The following IL13RA1 variants were observed in gnomAD, a reference collection of about 807,000 sequenced individuals.
IL13RA1 encodes the protein interleukin 13 receptor subunit alpha 1.
In IL13RA1, 14 loss-of-function variants were observed where a neutral mutation model predicts 33.8. The observed-to-expected ratio is 0.41, with a 90% CI of 0.27 to 0.65. The LOEUF is 0.65. Ranked by LOEUF, IL13RA1 falls within the 30% of genes least tolerant of loss-of-function variation. The probability of loss-of-function intolerance (pLI) is 0.28; values close to 1 mark genes in which losing one functional copy is unlikely to be tolerated. For missense variants in IL13RA1, 313 were observed against 327.0 expected, an observed-to-expected ratio of 0.96 and a Z score of 0.33; for synonymous variants, 116 against 115.7, an observed-to-expected ratio of 1.00 and a Z score of -0.02.
At chrX:118,729,737 G>A (rs1338777432) in intron 1 of IL13RA1, among the ~76,000 whole-genome samples, 1 of 112,087 alleles carries the variant, frequency 8.9e-6, no homozygotes, top group Admixed American at 9.5e-5. Flanking sequence ...AATATAACTT[G>A]TAGGTGCTGT....
At chrX:118,799,347 C>T (rs1461913166), downstream of IL13RA1, among the ~76,000 whole-genome samples, 1 of 113,283 alleles carries the variant, frequency 8.8e-6, no homozygotes, top group Non-Finnish European at 1.9e-5. Flanking sequence ...TGCGAGCGCA[C>T]AGTGCAGGAC....
intron 5 of IL13RA1, among the ~76,000 whole-genome samples, chrX:118,759,830 T>G (rs1478694999): frequency 9.0e-6 from 1 of 111,621 alleles, no homozygotes; most frequent in Non-Finnish European, 1.9e-5. Flanking sequence ...TGGAATGCAG[T>G]GGCGTGATCA....
In IL13RA1 at chrX:118,794,092, T is replaced by C. The variant is rs1423560076; in HGVS notation, c.*2238T>C. 1 of 112,141 alleles carries C rather than the reference T, an allele frequency of 8.9e-6. No homozygotes were observed. Among genetic ancestry groups the C allele is most frequent in the Non-Finnish European group, 1.9e-5 (1 of 53,238 alleles). The allele number at this position is 112,141 out of a possible 1,213,427, so 9.2% of individuals were successfully genotyped here. On this transcript the variant is annotated 3_prime_UTR_variant, in exon 11 of 11. Transcript: ENST00000371666. ...GATGCTGTGAAATTCCCAACAAACATTGATGCTGACAGTCATGCAGTCTGG... is the reference window on the plus strand; with the variant it reads ...GATGCTGTGAAATTCCCAACAAACACTGATGCTGACAGTCATGCAGTCTGG...
chrX:118,765,585 A>G (rs1188252502), intron 6 of IL13RA1, among the ~76,000 whole-genome samples: 1 of 111,577 alleles, frequency 9.0e-6, no homozygotes, highest in Non-Finnish European at 1.9e-5. Context: ...ATAGTTTCCC[A>G]TTTGGTTTTA....
chrX:118,735,597 G>A (rs754627610), intron 1 of IL13RA1, among the ~76,000 whole-genome samples: 5 of 111,320 alleles, frequency 4.5e-5, no homozygotes, highest in African/African-American at 1.6e-4. Flanking sequence ...ACCCAGGCTG[G>A]AGTGCAGTAG....
downstream of IL13RA1, among the ~76,000 whole-genome samples, chrX:118,796,693 G>A (rs1251631279): frequency 3.6e-5 from 4 of 111,132 alleles, no homozygotes; most frequent in Non-Finnish European, 5.7e-5. Context: ...CCGCCACCAC[G>A]CCCGGCTAAT....
the IL13RA1 span, among the ~76,000 whole-genome samples, chrX:118,804,176 C>T: frequency 0.015 from 1,602 of 109,383 alleles, 32 homozygotes; most frequent in African/African-American, 0.051. Flanking sequence ...AGGCTGGTCT[C>T]GAACTCCTGA....
intron 8 of IL13RA1, among the ~76,000 whole-genome samples, chrX:118,767,518 G>A (rs1287518772): frequency 9.0e-6 from 1 of 110,862 alleles, no homozygotes; most frequent in Non-Finnish European, 1.9e-5. Flanking sequence ...TCCAGCCTGG[G>A]CGACAGAGTG....
At chrX:118,760,606 C>G (rs2017580342) in intron 5 of IL13RA1, among the ~76,000 whole-genome samples, 1 of 112,353 alleles carries the variant, frequency 8.9e-6, no homozygotes, top group African/African-American at 3.2e-5. Context: ...TCCTTAAATT[C>G]ATTTTACTAG....
intron 10 of IL13RA1, among the ~76,000 whole-genome samples, chrX:118,782,511 A>G (rs535073272): frequency 8.9e-6 from 1 of 111,939 alleles, no homozygotes; most frequent in Non-Finnish European, 1.9e-5. Context: ...TTATTTATCC[A>G]TTAAGGTGAG....
downstream of IL13RA1, among the ~76,000 whole-genome samples, chrX:118,795,351 T>G (rs2018024566): frequency 9.0e-6 from 1 of 111,695 alleles, no homozygotes; most frequent in Non-Finnish European, 1.9e-5. Context: ...TTCCCCTCAT[T>G]TGTGTTAAGC....
At chrX:118,733,247 A>C (rs2017243390) in intron 1 of IL13RA1, among the ~76,000 whole-genome samples, 1 of 111,952 alleles carries the variant, frequency 8.9e-6, no homozygotes, top group African/African-American at 3.2e-5. Flanking sequence ...TGAAATTTTA[A>C]ATTTCCACCA....
chrX:118,729,202 C>T (rs2017188804), intron 1 of IL13RA1, among the ~76,000 whole-genome samples: 1 of 111,583 alleles, frequency 9.0e-6, no homozygotes, highest in Middle Eastern at 4.6e-3. Flanking sequence ...CACAGTGCCA[C>T]TCCAGCACCC....
the IL13RA1 span, among the ~76,000 whole-genome samples, chrX:118,801,798 A>G: frequency 8.9e-6 from 1 of 112,608 alleles, no homozygotes; most frequent in South Asian, 3.6e-4. Context: ...CTTGGTTTAC[A>G]ATATCATACT....
chrX:118,771,870 G>A (rs1293789383), intron 8 of IL13RA1, among the ~76,000 whole-genome samples: 1 of 111,319 alleles, frequency 9.0e-6, no homozygotes, highest in Non-Finnish European at 1.9e-5. Flanking sequence ...GCTCCCGGGA[G>A]GCTGAGGCAG....
intron 10 of IL13RA1, among the ~76,000 whole-genome samples, chrX:118,787,014 C>G (rs1301881101): frequency 8.9e-6 from 1 of 112,158 alleles, no homozygotes; most frequent in Non-Finnish European, 1.9e-5. Context: ...CATTTTGGTC[C>G]TGTAACTATC....
At chrX:118,760,711 G>A (rs1355534552) in intron 5 of IL13RA1, among the ~76,000 whole-genome samples, 1 of 112,118 alleles carries the variant, frequency 8.9e-6, no homozygotes, top group Non-Finnish European at 1.9e-5. Flanking sequence ...CATCAGCTCT[G>A]TTTTGATTTA....
intron 10 of IL13RA1, among the ~76,000 whole-genome samples, chrX:118,777,073 G>A (rs776350108): frequency 1.9e-5 from 2 of 107,474 alleles, no homozygotes; most frequent in South Asian, 8.1e-4. Flanking sequence ...TACAACCATC[G>A]CCACTATCTC....
downstream of IL13RA1, among the ~76,000 whole-genome samples, chrX:118,797,507 A>T (rs1176170258): frequency 1.8e-5 from 2 of 112,098 alleles, no homozygotes; most frequent in Non-Finnish European, 3.8e-5. Context: ...CTTATCATTT[A>T]AAAAAAGCAG....
Sources: gnomAD v4.1 joint callset for allele counts (sites outside exome capture counted in the v4.1 genomes callset) on GRCh38, gnomAD v4.1.1 for gene constraint, MANE v1.5 for transcripts, NCBI Gene and HGNC (gene_info 2026-07-23, HGNC 2026-07-21) for gene names.